Variants in CDH17 observed in about 807,000 individuals in gnomAD.
The protein encoded by CDH17 is cadherin-17.
Under a neutral mutation model 86.3 loss-of-function variants are expected in CDH17, and 67 were observed. The ratio of observed to expected loss-of-function variants is 0.78; its 90% CI spans 0.64 to 0.95. The LOEUF is 0.95. Ranked by LOEUF, CDH17 falls within the 40% of genes least tolerant of loss-of-function variation. CDH17 has a pLI of 0.00. For missense variants in CDH17, 993 were observed against 1,017.6 expected (o/e 0.98, Z 0.33); for synonymous variants, 367 against 366.4 (o/e 1.00, Z -0.02).
chr8:94,136,582 A>G (rs1264727513), intron 15 of CDH17, among the ~76,000 whole-genome samples: 1 of 152,150 alleles, frequency 6.6e-6, no homozygotes, highest in Non-Finnish European at 1.5e-5. Flanking sequence ...CGTTGGGTTC[A>G]AATGTGCTCC....
Position 94,128,209 on chromosome 8 carries a change from G to T in CDH17, c.*31C>A. 1 of 1,375,088 alleles carries T rather than the reference G, an allele frequency of 7.3e-7. No homozygotes were observed. Among genetic ancestry groups the T allele is most frequent in the Non-Finnish European group, 1.0e-6 (1 of 964,702 alleles). 85.2% of individuals were successfully genotyped at this position (1,375,088 alleles called of 1,614,324 possible). A position where few individuals can be genotyped will look rare whatever the true frequency, so the allele number is the denominator to read the frequency against. On this transcript the variant is annotated 3_prime_UTR_variant, in exon 18 of 18. Coordinates refer to ENST00000027335, the MANE Select transcript of CDH17 (RefSeq NM_004063.4). Reference sequence around the variant, plus strand: ...GATGGTTGTTGCTGAAATAGCACTTGCTATATAAATTCAAACATTCCTTTT... The same window carrying T: ...GATGGTTGTTGCTGAAATAGCACTTTCTATATAAATTCAAACATTCCTTTT...
In CDH17 at chr8:94,174,247, C is replaced by G. The variant is rs748506915; in HGVS notation, c.438G>C (p.Leu146Phe). 1 of 1,564,938 alleles carries G rather than the reference C, an allele frequency of 6.4e-7. No individual in the cohort carries two copies. Residue 146 changes from leucine (L) to phenylalanine (F), a missense_variant, in exon 6 of 18, where the codon TTG becomes TTC. By Grantham distance (22) the Leu-to-Phe change is conservative. Coordinates refer to ENST00000027335, the MANE Select transcript of CDH17 (RefSeq NM_004063.4). ...CATCCAGGTCTGTGGCATTGACATA[C>G]AAGAAGGGCTTTCCTGTTTAACAAG... Reference protein sequence around the residue: ...RQNSRPGKPFLYVNATDLDDP... With the variant: ...RQNSRPGKPFFYVNATDLDDP...
intron 13 of CDH17, among the ~76,000 whole-genome samples, 158 bp from the exon 14 acceptor site, chr8:94,149,032 G>A (rs2340025): frequency 6.6e-6 from 1 of 151,644 alleles, no homozygotes; most frequent in East Asian, 1.9e-4. Flanking sequence ...AGCATTACTT[G>A]TATATTATTT....
At chr8:94,166,983 T>C (rs1813169695) in intron 9 of CDH17, among the ~76,000 whole-genome samples, 1 of 152,144 alleles carries the variant, frequency 6.6e-6, no homozygotes, top group South Asian at 2.1e-4. Context: ...AGTCACCAAA[T>C]TGGTGGTGAT....
chr8:94,130,116 T>C (rs975532751), intron 17 of CDH17, among the ~76,000 whole-genome samples: 6 of 152,202 alleles, frequency 3.9e-5, no homozygotes, highest in Admixed American at 2.0e-4. Context: ...GCTGTGGTCA[T>C]GATGCAATGG....
chr8:94,212,568 T>C (rs1045690811), upstream of CDH17, among the ~76,000 whole-genome samples: 2 of 151,940 alleles, frequency 1.3e-5, no homozygotes, highest in Non-Finnish European at 2.9e-5. Flanking sequence ...AAAACTTAGA[T>C]AACAAAATGA....
At chr8:94,148,541 C>CAAAAAA (rs59942237) in intron 14 of CDH17, among the ~76,000 whole-genome samples, 8 of 29,196 alleles carry the variant, frequency 2.7e-4, no homozygotes, top group African/African-American at 5.0e-4. Context: ...GACTCCATCT[C>CAAAAAA]AAAAAAAAAA....
chr8:94,160,481 A>G (rs1260062835), intron 11 of CDH17, among the ~76,000 whole-genome samples: 1 of 152,352 alleles, frequency 6.6e-6, no homozygotes, highest in East Asian at 1.9e-4. Flanking sequence ...GCCACCATGT[A>G]TTGAGTATCT....
At chr8:94,178,090 A>G (rs771381037) in intron 3 of CDH17, among the ~76,000 whole-genome samples, 1 of 152,226 alleles carries the variant, frequency 6.6e-6, no homozygotes, top group Non-Finnish European at 1.5e-5. Flanking sequence ...TAGCACTTCT[A>G]AAAATTGTGA....
chr8:94,198,756 G>A (rs1046819118), intron 1 of CDH17, among the ~76,000 whole-genome samples: 1 of 152,096 alleles, frequency 6.6e-6, no homozygotes, highest in African/African-American at 2.4e-5. Flanking sequence ...CACAAGGCCT[G>A]GCCCAGAGAA....
In CDH17 at chr8:94,130,977, A is replaced by G. The variant is rs748583626; in HGVS notation, c.2183T>C (p.Leu728Pro). The change falls in exon 16 of 18, where the codon CTG (leucine) becomes CCG (proline). Residue 728 changes from leucine (L) to proline (P), a missense_variant. Physicochemically the swap from Leu to Pro is moderately conservative, Grantham distance 98. Coordinates refer to ENST00000027335, the MANE Select transcript of CDH17 (RefSeq NM_004063.4). ...CTCAAACTCTGTGTGCCTGGTAGACAGTCGGGCATGAGTACCTGCCAGGAC... is the reference window on the plus strand; with the variant it reads ...CTCAAACTCTGTGTGCCTGGTAGACGGTCGGGCATGAGTACCTGCCAGGAC... ...VSKINGTHARLSTRHTEFEER... is the reference protein window; with the variant it reads ...VSKINGTHARPSTRHTEFEER... 2 of 1,586,150 alleles carry G rather than the reference A, an allele frequency of 1.3e-6. No individual in the cohort carries two copies. The highest frequency in any genetic ancestry group is 1.7e-6 in the Non-Finnish European group (2 of 1,154,630).
chr8:94,165,483 C>G (rs1026799092), intron 10 of CDH17, among the ~76,000 whole-genome samples: 1 of 152,130 alleles, frequency 6.6e-6, no homozygotes, highest in Admixed American at 6.5e-5. Flanking sequence ...GCAATTTTTT[C>G]TCACGGGCTC....
At chr8:94,203,911 A>T (rs976082812) in intron 1 of CDH17, among the ~76,000 whole-genome samples, 12 of 152,304 alleles carry the variant, frequency 7.9e-5, no homozygotes, top group African/African-American at 2.4e-4. Flanking sequence ...AAACTCTGTA[A>T]TATAGATATG....
chr8:94,176,161 TC>T (rs939470207), intron 5 of CDH17, among the ~76,000 whole-genome samples: 5 of 152,120 alleles, frequency 3.3e-5, no homozygotes, highest in Admixed American at 1.3e-4. Flanking sequence ...CACCTCAGCC[TC>T]CCAAAGTACT....
At chr8:94,188,843 C>T (rs956836644) in intron 3 of CDH17, among the ~76,000 whole-genome samples, 17 of 152,154 alleles carry the variant, frequency 1.1e-4, no homozygotes, top group African/African-American at 4.1e-4. Context: ...GCAGCAAGCT[C>T]ATTGATCAGA....
At position 94,170,523 on chromosome 8, in the gene CDH17, C is replaced by G; in HGVS notation, c.940G>C (p.Asp314His). Residue 314 changes from aspartate (D) to histidine (H), a missense_variant, in exon 9 of 18, where the codon GAT (aspartate) becomes CAT (histidine). Physicochemically the swap from Asp to His is moderately conservative, Grantham distance 81. Transcript: ENST00000027335. The part of the protein sequence containing the change: ...DAYVFYAVAK[D>H]EYGKPLSYPL... ...TATGAAAGTGGTTTTCCGTACTCAT[C>G]CTTTGCAACTGCATAAAAAACATAC... is the stretch of plus-strand genomic sequence containing the variant. The G allele has an allele frequency of 1.2e-6, 2 of 1,613,768 alleles. No homozygotes were observed. The highest frequency in any genetic ancestry group is 1.7e-6 in the Non-Finnish European group (2 of 1,179,790).
intron 1 of CDH17, chr8:94,201,812 A>G (rs1038548147): frequency 6.5e-6 from 1 of 153,628 alleles, no homozygotes; most frequent in Non-Finnish European, 1.4e-5. Context: ...CAGCCCACCC[A>G]AGGCTTCCTT....
At chr8:94,186,435 G>C (rs1169194680) in intron 3 of CDH17, among the ~76,000 whole-genome samples, 2 of 152,084 alleles carry the variant, frequency 1.3e-5, no homozygotes, top group African/African-American at 2.4e-5. Flanking sequence ...TGTCTGGTGA[G>C]GGCCCACTCC....
At chr8:94,181,168 A>C (rs1813478551) in intron 3 of CDH17, among the ~76,000 whole-genome samples, 1 of 152,164 alleles carries the variant, frequency 6.6e-6, no homozygotes, top group African/African-American at 2.4e-5. Context: ...TATGCACCTA[A>C]CAATGGACCT....
Sources: allele counts gnomAD v4.1 joint callset (sites outside exome capture counted in the v4.1 genomes callset), GRCh38; gene constraint gnomAD v4.1.1; transcripts MANE v1.5; gene names NCBI Gene and HGNC (gene_info 2026-07-23, HGNC 2026-07-21).